The following KCNQ4 variants were observed in gnomAD, a reference collection of about 807,000 sequenced individuals.
KCNQ4 encodes potassium voltage-gated channel subfamily Q member 4.
KCNQ4 carries 31 observed loss-of-function variants against 72.6 expected under a neutral mutation model. The observed-to-expected ratio is 0.43, with a 90% CI of 0.32 to 0.58. The LOEUF (loss-of-function observed/expected upper bound fraction) is 0.58, where lower values mean the gene tolerates loss of function less well. KCNQ4 is among the 20% of genes least tolerant of loss of function. The pLI is 0.08. For synonymous variants in KCNQ4, 405 were observed against 403.7 expected (o/e 1.00, Z -0.04); for missense variants, 869 against 962.6 (o/e 0.90, Z 1.29).
Position 40,794,313 on chromosome 1 carries a change from G to A in KCNQ4, c.314+9906G>A, listed in dbSNP as rs1647347682. On this transcript the variant is annotated intron_variant, in intron 1 of 13. Transcript: ENST00000347132. The surrounding 1 kb of genome is among the most constrained non-coding windows in gnomAD (Gnocchi z 4.2). ...CATACACGGTGACAGGCCAGGGTGG[G>A]GACACTGGATGGGAACCAGGGTTTG... Among the ~76,000 whole-genome samples, 1 of 152,214 alleles carries A rather than the reference G, an allele frequency of 6.6e-6. No individual in the cohort carries two copies. The highest frequency in any genetic ancestry group is 2.1e-4 in the South Asian group (1 of 4,832).
At chr1:40,821,337 C>T (rs1339839139) in intron 7 of KCNQ4, among the ~76,000 whole-genome samples, 1 of 152,216 alleles carries the variant, frequency 6.6e-6, no homozygotes, top group Non-Finnish European at 1.5e-5. Flanking sequence ...GTGAGGTCAG[C>T]AGTGGCAGCC....
intron 5 of KCNQ4, 118 bp from the exon 6 acceptor site, chr1:40,819,757 C>A: frequency 2.2e-6 from 2 of 891,158 alleles, no homozygotes; most frequent in Middle Eastern, 2.1e-4. Context: ...CCTAACCAGC[C>A]CCCGTGGGTG....
chr1:40,786,019 T>C (rs377539008), intron 1 of KCNQ4, among the ~76,000 whole-genome samples: 255 of 152,180 alleles, frequency 1.7e-3, no homozygotes, highest in African/African-American at 3.9e-3. Flanking sequence ...TTAGTGTCCA[T>C]TGGGAGGCCT....
At chr1:40,835,971 T>C (rs529045732) in intron 12 of KCNQ4, among the ~76,000 whole-genome samples, 2 of 152,020 alleles carry the variant, frequency 1.3e-5, no homozygotes, top group African/African-American at 2.4e-5. Context: ...TAAAGTCCTG[T>C]AGGCCCCTGC....
intron 9 of KCNQ4, among the ~76,000 whole-genome samples, chr1:40,827,692 G>GT (rs1279079119): frequency 6.6e-6 from 1 of 152,254 alleles, no homozygotes; most frequent in Non-Finnish European, 1.5e-5. Flanking sequence ...GCTGAGAGGT[G>GT]TTTTTTCCTA....
Position 40,817,175 on chromosome 1 carries a change from C to A in KCNQ4, c.315-90C>A, listed in dbSNP as rs1225856723. On this transcript the variant is annotated intron_variant, in intron 1 of 13. Coordinates refer to ENST00000347132, the MANE Select transcript of KCNQ4 (RefSeq NM_004700.4). This position sits in a 1 kb window ranked among gnomAD's most constrained non-coding sequence, Gnocchi z 5.5. The stretch of plus-strand genomic sequence containing the variant: ...ATAATTTTCTGAAAATAATGTTCTC[C>A]TCTCTTGGCTCTGTAACCCCCTGCC... The A allele has an allele frequency of 1.1e-6, 1 of 948,842 alleles. No homozygotes were observed. The highest frequency in any genetic ancestry group is 1.7e-6 in the Non-Finnish European group (1 of 591,036). 58.8% of individuals were successfully genotyped at this position (948,842 alleles called of 1,614,324 possible).
intron 9 of KCNQ4, among the ~76,000 whole-genome samples, chr1:40,829,796 C>T (rs1648583348): frequency 1.3e-5 from 2 of 152,148 alleles, no homozygotes; most frequent in East Asian, 1.9e-4. Flanking sequence ...CTGAACCTGT[C>T]GGAATCTCTA....
At chr1:40,802,452 C>T (rs1246404476) in intron 1 of KCNQ4, among the ~76,000 whole-genome samples, 2 of 152,124 alleles carry the variant, frequency 1.3e-5, no homozygotes, top group Non-Finnish European at 2.9e-5. Context: ...CCGCCCCGGC[C>T]CCTCCCGCTC....
At position 40,814,046 on chromosome 1, in the gene KCNQ4, C is replaced by CTTTTTTTTT. The variant is rs35243800; in HGVS notation, c.315-3203_315-3195dup. 3.9e-3 allele frequency among the ~76,000 whole-genome samples: 207 copies of CTTTTTTTTT among 52,708 alleles called. 22 individuals carry two copies. The highest frequency in any genetic ancestry group is 4.9e-3 in the Non-Finnish European group (148 of 30,098). The allele number at this position is 52,708 out of a possible 152,430, so 34.6% of individuals were successfully genotyped here. A position where few individuals can be genotyped will look rare whatever the true frequency, so the allele number is the denominator to read the frequency against. The stretch of plus-strand genomic sequence containing the variant: ...ACAGGCGTGAGCCACTGCGCCCGGC[C>CTTTTTTTTT]TTTTTTTTTTTTTTTTTTTTTTTTG... On this transcript the variant is annotated intron_variant, in intron 1 of 13. Transcript: ENST00000347132.
chr1:40,838,164 A>G (rs780841647), intron 13 of KCNQ4, 147 bp from the exon 14 acceptor site: 137 of 759,018 alleles, frequency 1.8e-4, no homozygotes, highest in Admixed American at 4.3e-4. Context: ...GCTCTAGCCA[A>G]GCTCCACCTT....
chr1:40,816,825 A>C (rs1211732602), intron 1 of KCNQ4, among the ~76,000 whole-genome samples: 1 of 152,216 alleles, frequency 6.6e-6, no homozygotes, highest in African/African-American at 2.4e-5. Context: ...TTTGGAGTGC[A>C]TAAGAAAGAA....
At chr1:40,821,255 T>A (rs1320610400) in intron 7 of KCNQ4, among the ~76,000 whole-genome samples, 1 of 152,094 alleles carries the variant, frequency 6.6e-6, no homozygotes, top group Non-Finnish European at 1.5e-5. Context: ...TGGCAGCTGC[T>A]CCCCAGCCCA....
At position 40,818,575 on chromosome 1, in the gene KCNQ4, C is replaced by A; in HGVS notation, c.603C>A (p.Ser201=). 1 of 1,605,348 alleles carries A rather than the reference C, an allele frequency of 6.2e-7. No individual in the cohort carries two copies. ...CCCAGGGCAACATCTTCGCCACGTC[C>A]GCGCTGCGCAGCATGCGCTTCCTGC... The part of the protein sequence containing the change: ...AGTQGNIFAT[S]ALRSMRFLQI... Residue 201 remains serine, a synonymous_variant, in exon 4 of 14, where the codon TCC becomes TCA. Coordinates refer to ENST00000347132, the MANE Select transcript of KCNQ4 (RefSeq NM_004700.4).
rs373970019 is a variant in KCNQ4, at chr1:40,824,355, G to A, written c.1292+97G>A. ...TCTCAGACCTGCCTTCAGCCACTTCGTGGGTGTCTGGGCCTGTTTGGGGGA... is the reference window on the plus strand; with the variant it reads ...TCTCAGACCTGCCTTCAGCCACTTCATGGGTGTCTGGGCCTGTTTGGGGGA... On this transcript the variant is annotated intron_variant, in intron 9 of 13. Transcript: ENST00000347132. 265 of 1,364,424 alleles carry A rather than the reference G, an allele frequency of 1.9e-4. 4 individuals carry two copies. The South Asian group carries it at 2.6e-3, about 13-fold the overall frequency. The allele number at this position is 1,364,424 out of a possible 1,614,324, so 84.5% of individuals were successfully genotyped here.
chr1:40,788,292 G>A lies in KCNQ4; in HGVS notation c.314+3885G>A, dbSNP rs1450940935. On this transcript the variant is annotated intron_variant, in intron 1 of 13. Coordinates refer to ENST00000347132, the MANE Select transcript of KCNQ4 (RefSeq NM_004700.4). This position sits in a 1 kb window ranked among gnomAD's most constrained non-coding sequence, Gnocchi z 4.5. ...AAAGTCACCTGGGAAATGAGTAGCA[G>A]ATACAGCGGACTCTGTGCAGAGACC... Among the ~76,000 whole-genome samples the A allele has an allele frequency of 6.6e-6, 1 of 152,226 alleles. No homozygotes were observed. Among genetic ancestry groups the A allele is most frequent in the East Asian group, 1.9e-4 (1 of 5,202 alleles).
At chr1:40,786,017 C>T (rs1055107543) in intron 1 of KCNQ4, among the ~76,000 whole-genome samples, 1 of 152,074 alleles carries the variant, frequency 6.6e-6, no homozygotes, top group Non-Finnish European at 1.5e-5. Context: ...CCTTAGTGTC[C>T]ATTGGGAGGC....
chr1:40,814,450 A>G (rs1251304869), intron 1 of KCNQ4, among the ~76,000 whole-genome samples: 1 of 152,166 alleles, frequency 6.6e-6, no homozygotes, highest in Non-Finnish European at 1.5e-5. Flanking sequence ...AGTGGCTTAC[A>G]TTGCCAGCTC....
chr1:40,793,513 T>G (rs1183270655), intron 1 of KCNQ4, among the ~76,000 whole-genome samples: 4 of 152,040 alleles, frequency 2.6e-5, no homozygotes, highest in Admixed American at 1.3e-4. Flanking sequence ...TGCAGTTTCA[T>G]CCCTGCGCTT....
At chr1:40,826,713 C>T (rs112770611) in intron 9 of KCNQ4, 12,635 of 453,314 alleles carry the variant, frequency 0.028, 230 homozygotes, top group Middle Eastern at 0.046. Context: ...TCGCCTGCTC[C>T]TCCTGTCCCC....
Sources: allele counts gnomAD v4.1 joint callset (sites outside exome capture counted in the v4.1 genomes callset), GRCh38; gene constraint gnomAD v4.1.1; non-coding constraint Gnocchi (gnomAD v3.1); transcripts MANE v1.5; gene names NCBI Gene and HGNC (gene_info 2026-07-23, HGNC 2026-07-21).